Variants in SBF1 observed in about 807,000 individuals in gnomAD.
SBF1 encodes myotubularin-related protein 5.
A neutral mutation model predicts 215.8 loss-of-function variants in SBF1; 65 were observed. The observed-to-expected ratio is 0.30, with a 90% CI of 0.25 to 0.37. The LOEUF (loss-of-function observed/expected upper bound fraction) is 0.37, where lower values mean the gene tolerates loss of function less well. Ranked by LOEUF, SBF1 falls within the 10% of genes least tolerant of loss-of-function variation. SBF1 has a pLI of 1.00. For missense variants in SBF1, 2,634 were observed against 2,667.8 expected (o/e 0.99, Z 0.28); for synonymous variants, 1,410 against 1,122.8 (o/e 1.26, Z -5.11).
intron 12 of SBF1, 23 bp downstream of exon 12, chr22:50,464,977 TG>T: frequency 6.2e-7 from 1 of 1,613,572 alleles, no homozygotes; most frequent in South Asian, 1.1e-5. Flanking sequence ...GGCAGGGGGC[TG>T]GGAGGGCAGG....
chr22:50,446,982 G>C lies in SBF1; in HGVS notation c.*160C>G. The C allele has an allele frequency of 1.4e-6, 1 of 728,708 alleles. No individual in the cohort carries two copies. The highest frequency in any genetic ancestry group is 1.5e-5 in the South Asian group (1 of 64,662). 45.1% of individuals were successfully genotyped at this position (728,708 alleles called of 1,614,324 possible). On this transcript the variant is annotated 3_prime_UTR_variant, in exon 41 of 41. Transcript: ENST00000380817. ...GCCAAAATAAGTTAGGGCCGGCCGG[G>C]CGGGGCGGGGCGGGGACGGGGGCTG...
chr22:50,463,170 G>A, intron 16 of SBF1, 113 bp downstream of exon 16: 1 of 1,408,016 alleles, frequency 7.1e-7, no homozygotes, highest in Non-Finnish European at 9.8e-7. Flanking sequence ...CCTGCCCACT[G>A]GCACAGGAGT....
chr22:50,448,208 G>A (rs1363032503), intron 38 of SBF1, 25 bp downstream of exon 38: 14 of 1,603,648 alleles, frequency 8.7e-6, no homozygotes, highest in Admixed American at 3.3e-5. Context: ...AGGTGTCCAT[G>A]TGGCAGTGGG....
chr22:50,465,392 G>A, intron 10 of SBF1, 64 bp from the exon 11 acceptor site: 1 of 1,425,752 alleles, frequency 7.0e-7, no homozygotes. Flanking sequence ...GGCTGCCCAG[G>A]AGCTTCTCCA....
intron 5 of SBF1, 91 bp downstream of exon 5, chr22:50,467,247 G>GT: frequency 9.5e-7 from 1 of 1,054,038 alleles, no homozygotes; most frequent in Non-Finnish European, 1.4e-6. Context: ...GCCTCCAGCT[G>GT]TGTGTGGCTC....
intron 1 of SBF1, among the ~76,000 whole-genome samples, chr22:50,472,785 G>A (rs1455869064): frequency 6.6e-6 from 1 of 152,110 alleles, no homozygotes; most frequent in Non-Finnish European, 1.5e-5. Flanking sequence ...CTCAGCCCAT[G>A]ACCAGGGTCC....
chr22:50,473,699 G>A (rs1230617420), intron 1 of SBF1, among the ~76,000 whole-genome samples: 1 of 152,152 alleles, frequency 6.6e-6, no homozygotes, highest in Non-Finnish European at 1.5e-5. Flanking sequence ...CAACTGGACT[G>A]ACAAAAAACA....
In SBF1 at chr22:50,466,730, G is replaced by T. The variant is rs190494661; in HGVS notation, c.550-20C>A. ...CGTCCTCTGCAGCAAAAAAAGGATCGGGGCTCAGTAGTTTGGCCAGAGCCA... is the reference window on the plus strand; with the variant it reads ...CGTCCTCTGCAGCAAAAAAAGGATCTGGGCTCAGTAGTTTGGCCAGAGCCA... On this transcript the variant is annotated intron_variant, in intron 5 of 40. Coordinates refer to ENST00000380817, the MANE Select transcript of SBF1 (RefSeq NM_002972.4). 2 of 1,492,614 alleles carry T rather than the reference G, an allele frequency of 1.3e-6. No individual in the cohort carries two copies. Among genetic ancestry groups the T allele is most frequent in the East Asian group, 2.5e-5 (1 of 40,200 alleles). 92.5% of individuals were successfully genotyped at this position (1,492,614 alleles called of 1,614,324 possible).
chr22:50,452,924 G>A (rs972830410), intron 36 of SBF1, among the ~76,000 whole-genome samples: 8 of 151,768 alleles, frequency 5.3e-5, no homozygotes, highest in Admixed American at 5.3e-4. Context: ...ACACAGAGAT[G>A]TACAGCTCAA....
At chr22:50,464,789 C>A in intron 13 of SBF1, 30 bp downstream of exon 13, 3 of 1,612,302 alleles carry the variant, frequency 1.9e-6, no homozygotes, top group Non-Finnish European at 2.5e-6. Flanking sequence ...CAAGGCGGTA[C>A]GACGCCCTCC....
chr22:50,460,261 C>G lies in SBF1; in HGVS notation c.3283+11G>C, dbSNP rs756861519. On this transcript the variant is annotated intron_variant, in intron 25 of 40. Coordinates refer to ENST00000380817, the MANE Select transcript of SBF1 (RefSeq NM_002972.4). ...CAGAGACCACCCAGGACTCCACCCC[C>G]ACCCCTCCACCTGAGATCTCGTCCT... 1.8e-5 allele frequency: 29 copies of G among 1,601,274 alleles called. No homozygotes were observed. The highest frequency in any genetic ancestry group is 2.0e-5 in the Non-Finnish European group (24 of 1,171,784).
Position 50,447,436 on chromosome 22 carries a change from G to A in SBF1, c.5469C>T (p.His1823=), listed in dbSNP as rs375313541. The A allele has an allele frequency of 1.2e-6, 2 of 1,613,748 alleles. No individual in the cohort carries two copies. The highest frequency in any genetic ancestry group is 2.7e-5 in the African/African-American group (2 of 75,020). The change falls in exon 40 of 41, where the codon CAC becomes CAT. Residue 1823 remains histidine (H), a synonymous_variant. Coordinates refer to ENST00000380817, the MANE Select transcript of SBF1 (RefSeq NM_002972.4). ...KTKHQLRYYD[H]RVDTECKGVI... ...CACCCTTGCACTCTGTGTCCACACGGTGGTCGTAGTAGCGCAGCTGGAGGA... is the reference window on the plus strand; with the variant it reads ...CACCCTTGCACTCTGTGTCCACACGATGGTCGTAGTAGCGCAGCTGGAGGA...
rs1407181416 is a variant in SBF1 at position 50,474,743 on chromosome 22, G to A, written c.55+43C>T. 116 of 1,433,968 alleles carry A rather than the reference G, an allele frequency of 8.1e-5. 1 individual carries two copies. The highest frequency in any genetic ancestry group is 5.0e-4 in the Middle Eastern group (2 of 3,996). The allele number at this position is 1,433,968 out of a possible 1,614,324, so 88.8% of individuals were successfully genotyped here. On this transcript the variant is annotated intron_variant, in intron 1 of 40. Transcript: ENST00000380817. The stretch of plus-strand genomic sequence containing the variant: ...ACCCAGCCCCTGGCCCTCAGCACTC[G>A]ACCCTCGGCCCCCGGCCCTCAGCGC...
In SBF1 at chr22:50,474,836, G is replaced by A. The variant is rs2068122245; in HGVS notation, c.5C>T (p.Ala2Val). 2 of 1,433,714 alleles carry A rather than the reference G, an allele frequency of 1.4e-6. No homozygotes were observed. Among genetic ancestry groups the A allele is most frequent in the South Asian group, 1.3e-5 (1 of 75,470 alleles). The allele number at this position is 1,433,714 out of a possible 1,614,324, so 88.8% of individuals were successfully genotyped here. Reference sequence around the variant, plus strand: ...CAGCACGAAGTAGTCCGCGAGCCGCGCCATGGCGAGGGACGCGGGGCGGCC... The same window carrying A: ...CAGCACGAAGTAGTCCGCGAGCCGCACCATGGCGAGGGACGCGGGGCGGCC... M[A>V]RLADYFVLVA... Residue 2 changes from alanine (A) to valine (V), a missense_variant, in exon 1 of 41, where the codon GCG becomes GTG. By Grantham distance (64) the Ala-to-Val change is moderately conservative (BLOSUM62 0). Coordinates refer to ENST00000380817, the MANE Select transcript of SBF1 (RefSeq NM_002972.4).
intron 29 of SBF1, 89 bp downstream of exon 29, chr22:50,456,945 G>C (rs2067277934): frequency 9.0e-7 from 1 of 1,105,628 alleles, no homozygotes; most frequent in Non-Finnish European, 1.2e-6. Flanking sequence ...TGTGGAGGGA[G>C]ACATTAGTGC....
In SBF1 at chr22:50,462,533, C is replaced by T. The variant is rs1314578817; in HGVS notation, c.2127+26G>A. 11 of 1,610,250 alleles carry T rather than the reference C, an allele frequency of 6.8e-6. No homozygotes were observed. In the Middle Eastern group the frequency reaches 5.0e-4, roughly 73 times the overall value. On this transcript the variant is annotated intron_variant, in intron 18 of 40. Coordinates refer to ENST00000380817, the MANE Select transcript of SBF1 (RefSeq NM_002972.4). ...GCTGCCCCAGCCCCTAGCCCCCAGC[C>T]CCCAGCCCAGGGAGTCCCTGCGCAC...
intron 1 of SBF1, among the ~76,000 whole-genome samples, chr22:50,472,556 T>C (rs1457651312): frequency 6.6e-6 from 1 of 152,160 alleles, no homozygotes; most frequent in Non-Finnish European, 1.5e-5. Context: ...TCCTGTGTGC[T>C]ACTGCTTCAC....
intron 5 of SBF1, 64 bp from the exon 6 acceptor site, chr22:50,466,774 G>T: frequency 1.7e-6 from 2 of 1,183,404 alleles, no homozygotes; most frequent in Non-Finnish European, 1.2e-6. Flanking sequence ...TCAGCCCAGA[G>T]CTCTGTGTCC....
In SBF1 at chr22:50,456,592, G is replaced by A. The variant is rs755768063; in HGVS notation, c.3986C>T (p.Ala1329Val). Residue 1329 changes from alanine (A) to valine (V), a missense_variant, in exon 30 of 41, where the codon GCG becomes GTG. Transcript: ENST00000380817. Reference sequence around the variant, plus strand: ...CCCGTTGGCCTGGGGTGGGGCCAGCGCGTCTCTGCCAGCTAGCCGGGAGCC... The same window carrying A: ...CCCGTTGGCCTGGGGTGGGGCCAGCACGTCTCTGCCAGCTAGCCGGGAGCC... ...DVGSRLAGRD[A>V]LAPPQANGGP... 8.4e-6 allele frequency: 13 copies of A among 1,542,674 alleles called. No homozygotes were observed. In the East Asian group the frequency reaches 9.3e-5, roughly 11 times the overall value.
Sources: gnomAD v4.1 joint callset for allele counts (sites outside exome capture counted in the v4.1 genomes callset) on GRCh38, gnomAD v4.1.1 for gene constraint, MANE v1.5 for transcripts, NCBI Gene and HGNC (gene_info 2026-07-23, HGNC 2026-07-21) for gene names.